The following ADAMTSL1 variants were observed in gnomAD, a reference collection of about 807,000 sequenced individuals.
ADAMTSL1 encodes the protein ADAMTS like 1.
Under a neutral mutation model 201.8 loss-of-function variants are expected in ADAMTSL1, and 126 were observed. The ratio of observed to expected loss-of-function variants is 0.62; its 90% CI spans 0.54 to 0.72. The LOEUF is 0.72. ADAMTSL1 is among the 30% of genes least tolerant of loss of function. ADAMTSL1 has a pLI of 0.00. For synonymous variants in ADAMTSL1, 1,121 were observed against 903.4 expected (o/e 1.24, Z -4.32); for missense variants, 2,679 against 2,277.8 (o/e 1.18, Z -3.59).
At chr9:18,445,568 G>T (rs1223939863) in intron 2 of ADAMTSL1, among the ~76,000 whole-genome samples, 1 of 152,082 alleles carries the variant, frequency 6.6e-6, no homozygotes, top group South Asian at 2.1e-4. Flanking sequence ...TTATTGATGG[G>T]TAAACTGAAG....
chr9:18,741,840 G>A (rs1031821111), intron 15 of ADAMTSL1, among the ~76,000 whole-genome samples: 2 of 152,008 alleles, frequency 1.3e-5, no homozygotes, highest in Non-Finnish European at 2.9e-5. Flanking sequence ...CTTTTCTTGT[G>A]TAGGGTGTTC....
chr9:18,518,643 CT>C (rs542287835), intron 2 of ADAMTSL1, among the ~76,000 whole-genome samples: 1 of 152,002 alleles, frequency 6.6e-6, no homozygotes, highest in South Asian at 2.1e-4. Context: ...ATAATGATTT[CT>C]TTTCCTTTGG....
At chr9:18,782,270 AT>A (rs1821438325) in intron 19 of ADAMTSL1, among the ~76,000 whole-genome samples, 1 of 152,194 alleles carries the variant, frequency 6.6e-6, no homozygotes, top group Non-Finnish European at 1.5e-5. Context: ...TTGCTTAAGT[AT>A]TTACTAACCT....
rs1213244941 is a variant in ADAMTSL1 at position 18,826,354 on chromosome 9, A to G, written c.4005A>G (p.Glu1335=). ...TGGGCTCCCCGCACCATCTGCACGA[A>G]GGCTCCTTGCTGCTCACAAACGTGT... The part of the protein sequence containing the change: ...SKLGSPHHLH[E]GSLLLTNVSS... The change falls in exon 22 of 29, where the codon GAA becomes GAG. Residue 1335 remains glutamate (E), a synonymous_variant. Transcript: ENST00000380548. The G allele has an allele frequency of 1.2e-6, 2 of 1,613,578 alleles. No individual in the cohort carries two copies. The highest frequency in any genetic ancestry group is 1.1e-5 in the South Asian group (1 of 90,994).
intron 2 of ADAMTSL1, among the ~76,000 whole-genome samples, chr9:18,218,174 G>A (rs974235945): frequency 6.6e-5 from 10 of 152,130 alleles, no homozygotes; most frequent in South Asian, 2.1e-4. Context: ...AAATAGAATC[G>A]TAGCTGAAGA....
chr9:18,387,855 C>G (rs531981043), intron 2 of ADAMTSL1, among the ~76,000 whole-genome samples: 3 of 152,202 alleles, frequency 2.0e-5, no homozygotes, highest in South Asian at 4.1e-4. Context: ...TTTTATCTAT[C>G]TATCGAATGA....
At chr9:18,236,480 T>C (rs1314161151) in intron 2 of ADAMTSL1, among the ~76,000 whole-genome samples, 1 of 152,246 alleles carries the variant, frequency 6.6e-6, no homozygotes, top group Non-Finnish European at 1.5e-5. Flanking sequence ...AAAAGGCTAA[T>C]ACTGTCCATA....
In ADAMTSL1 at chr9:18,250,289, C is replaced by A. The variant is rs73643210; in HGVS notation, c.207+86308C>A. 9.6e-3 allele frequency among the ~76,000 whole-genome samples: 1,465 copies of A among 152,222 alleles called. 22 individuals are homozygous for A. The highest frequency in any genetic ancestry group is 0.033 in the African/African-American group (1,370 of 41,508). ...GACTAAGGGTCTGAGAAATGTCTGA[C>A]AAATGTCCAGTATTTCATGTGTTCA... On this transcript the variant is annotated intron_variant, in intron 2 of 29. Coordinates refer to the ADAMTSL1 transcript ENST00000680146.
chr9:18,777,075 C>G lies in ADAMTSL1; in HGVS notation c.2846C>G (p.Ala949Gly), dbSNP rs769726074. The G allele has an allele frequency of 6.2e-7, 1 of 1,613,288 alleles. No individual in the cohort carries two copies. ...PSDAGVYTCS[A>G]GPAREHFVIK... ...GATGCAGGCGTCTACACCTGCTCAG[C>G]GGGCCCGGCCCGGGAGCACTTTGTG... Residue 949 changes from alanine to glycine, a missense_variant, in exon 19 of 29, where the codon GCG (alanine) becomes GGG (glycine). Coordinates refer to ENST00000380548, the MANE Select transcript of ADAMTSL1 (RefSeq NM_001040272.6).
intron 1 of ADAMTSL1, among the ~76,000 whole-genome samples, chr9:18,148,589 A>AT (rs1435862337): frequency 3.3e-5 from 5 of 151,986 alleles, no homozygotes; most frequent in African/African-American, 9.7e-5. Context: ...TAAATAAAGA[A>AT]TTTTTTATTT....
rs751667336 is a variant in ADAMTSL1, at chr9:18,775,809, G to A, written c.2464G>A (p.Gly822Ser). 2.0e-5 allele frequency: 32 copies of A among 1,611,088 alleles called. No homozygotes were observed. The Middle Eastern group carries it at 6.6e-4, about 33-fold the overall frequency. Residue 822 changes from glycine (G) to serine (S), a missense_variant, in exon 18 of 29, where the codon GGC (glycine) becomes AGC (serine). By Grantham distance (56) the Gly-to-Ser change is moderately conservative. Transcript: ENST00000380548. ...CATTTGCCGAAAGATGCTGAAAACC[G>A]GCCTCTCAACGGTTGTCAATTCCAC... ...SAICRKMLKT[G>S]LSTVVNSTLC...
intron 23 of ADAMTSL1, among the ~76,000 whole-genome samples, chr9:18,840,212 A>G (rs1358788511): frequency 6.6e-6 from 1 of 151,758 alleles, no homozygotes; most frequent in Non-Finnish European, 1.5e-5. Flanking sequence ...TAATTTTTGT[A>G]TAAGGTGTAA....
At chr9:18,316,691 A>G (rs1656189962) in intron 2 of ADAMTSL1, among the ~76,000 whole-genome samples, 1 of 152,006 alleles carries the variant, frequency 6.6e-6, no homozygotes, top group African/African-American at 2.4e-5. Flanking sequence ...TATGCAGTTA[A>G]TGCAATTATT....
In ADAMTSL1 at chr9:18,776,767, C is replaced by G. The variant is rs541124744; in HGVS notation, c.2552-14C>G. ...ACCTCTTTCTCTGTCCCTTCGGGTT[C>G]GCTCTCCTTCCAGGGCCCGGGCGGC... On this transcript the variant is annotated splice_polypyrimidine_tract_variant and intron_variant, in intron 18 of 28. Transcript: ENST00000380548. The G allele has an allele frequency of 1.2e-5, 19 of 1,533,938 alleles. No individual in the cohort carries two copies. Among genetic ancestry groups the G allele is most frequent in the Non-Finnish European group, 1.6e-5 (18 of 1,142,202 alleles).
chr9:18,826,089 T>G (rs1403033692), intron 21 of ADAMTSL1, 195 bp from the exon 22 acceptor site: 2 of 642,376 alleles, frequency 3.1e-6, no homozygotes, highest in African/African-American at 1.8e-5. Flanking sequence ...ATTCTGATTC[T>G]TTGGTCACCC....
chr9:18,051,500 C>T (rs954972023), intron 1 of ADAMTSL1, among the ~76,000 whole-genome samples: 2 of 151,466 alleles, frequency 1.3e-5, no homozygotes, highest in African/African-American at 4.9e-5. Flanking sequence ...GTTGGGTCCT[C>T]CTCAGAGAAG....
At chr9:18,082,959 C>T (rs1225851688) in intron 1 of ADAMTSL1, among the ~76,000 whole-genome samples, 1 of 152,144 alleles carries the variant, frequency 6.6e-6, no homozygotes. Flanking sequence ...TAATATGTCA[C>T]AACCAGTACT....
chr9:18,598,263 A>G (rs1341071), intron 4 of ADAMTSL1, among the ~76,000 whole-genome samples: 11,908 of 152,230 alleles, frequency 0.078, 559 homozygotes, highest in South Asian at 0.2. Context: ...AACATAAAAT[A>G]TGACCAGCAT....
At chr9:18,664,687 C>T (rs1829321986) in intron 9 of ADAMTSL1, among the ~76,000 whole-genome samples, 1 of 152,038 alleles carries the variant, frequency 6.6e-6, no homozygotes, top group African/African-American at 2.4e-5. Flanking sequence ...CCCAGTTAGA[C>T]AGCCAACTTT....
Sources: gnomAD v4.1 joint callset for allele counts (sites outside exome capture counted in the v4.1 genomes callset) on GRCh38, gnomAD v4.1.1 for gene constraint, MANE v1.5 for transcripts, NCBI Gene and HGNC (gene_info 2026-07-23, HGNC 2026-07-21) for gene names.